MEDAG: variants seen among roughly 807,000 people sequenced by gnomAD.
MEDAG encodes the protein mesenteric estrogen dependent adipogenesis.
In MEDAG, 25 loss-of-function variants were observed where a neutral mutation model predicts 29.9. The observed-to-expected ratio is 0.84, with a 90% CI of 0.61 to 1.17. The LOEUF (loss-of-function observed/expected upper bound fraction) is 1.17. Ranked by LOEUF, MEDAG falls within the 50% of genes most tolerant of loss-of-function variation. The probability of loss-of-function intolerance (pLI) is 0.00; values close to 1 mark genes in which losing one functional copy is unlikely to be tolerated. For synonymous variants in MEDAG, 158 were observed against 148.2 expected (o/e 1.07, Z -0.48); for missense variants, 398 against 372.9 (o/e 1.07, Z -0.56).
Position 30,915,631 on chromosome 13 carries a change from C to T in MEDAG, c.279-1772C>T, listed in dbSNP as rs188292092. Among the ~76,000 whole-genome samples, 47 of 152,230 alleles carry T rather than the reference C, an allele frequency of 3.1e-4. No homozygotes were observed. The East Asian group carries it at 7.3e-3, about 24-fold the overall frequency. Reference sequence around the variant, plus strand: ...AAAAAAAGGGCAGGAAAATTCTCTCCCAGCTGATGTGCAACACCAGCACCA... The same window carrying T: ...AAAAAAAGGGCAGGAAAATTCTCTCTCAGCTGATGTGCAACACCAGCACCA... On this transcript the variant is annotated intron_variant, in intron 1 of 4. Coordinates refer to ENST00000380482, the MANE Select transcript of MEDAG (RefSeq NM_032849.4).
At chr13:30,920,967 T>C in intron 2 of MEDAG, 47 bp from the exon 3 acceptor site, 1 of 1,485,048 alleles carries the variant, frequency 6.7e-7, no homozygotes, top group Non-Finnish European at 9.4e-7. Context: ...AGCATGCTTA[T>C]GTCACATGGA....
In MEDAG at chr13:30,910,193, A is replaced by AACACACACAC. The variant is rs77242350; in HGVS notation, c.278+3416_278+3425dup. On this transcript the variant is annotated intron_variant, in intron 1 of 4. Coordinates refer to ENST00000380482, the MANE Select transcript of MEDAG (RefSeq NM_032849.4). Reference sequence around the variant, plus strand: ...TACCATTAACTACGACACACACACAAACACACACACACACACACACACACA... The same window carrying AACACACACAC: ...TACCATTAACTACGACACACACACAAACACACACACACACACACACACACACACACACACA... 7.6e-3 allele frequency among the ~76,000 whole-genome samples: 1,132 copies of AACACACACAC among 149,264 alleles called. 3 individuals carry two copies. The highest frequency in any genetic ancestry group is 0.01 in the African/African-American group (414 of 40,350).
intron 1 of MEDAG, among the ~76,000 whole-genome samples, chr13:30,913,841 G>A (rs9943952): frequency 0.22 from 33,951 of 151,994 alleles, 4,470 homozygotes; most frequent in African/African-American, 0.37. Context: ...AGGAGTTCGA[G>A]ACCAGCCTGG....
chr13:30,909,167 C>A (rs1952858938), intron 1 of MEDAG: 2 of 152,038 alleles, frequency 1.3e-5, no homozygotes, highest in Admixed American at 1.3e-4. Flanking sequence ...ATCAGTGACA[C>A]CAGGGTGCAC....
chr13:30,907,095 G>A (rs1952838498), intron 1 of MEDAG, among the ~76,000 whole-genome samples: 1 of 152,246 alleles, frequency 6.6e-6, no homozygotes, highest in Non-Finnish European at 1.5e-5. Context: ...AGTGGCAGAT[G>A]CTTCTCCCAT....
chr13:30,909,821 C>T lies in MEDAG; in HGVS notation c.278+3028C>T, dbSNP rs191936111. ...GCTAAGAGCCACCGACCTTGACTTT[C>T]AGGTTATTCACTCGCTAAGAGAGCA... On this transcript the variant is annotated intron_variant, in intron 1 of 4. Coordinates refer to ENST00000380482, the MANE Select transcript of MEDAG (RefSeq NM_032849.4). 6.4e-3 allele frequency among the ~76,000 whole-genome samples: 967 copies of T among 152,264 alleles called. 6 individuals are homozygous for T. Among genetic ancestry groups the T allele is most frequent in the Non-Finnish European group, 0.01 (697 of 68,016 alleles).
At chr13:30,912,828 C>T (rs1355376619) in intron 1 of MEDAG, among the ~76,000 whole-genome samples, 1 of 152,192 alleles carries the variant, frequency 6.6e-6, no homozygotes, top group Non-Finnish European at 1.5e-5. Flanking sequence ...CTGATATTTT[C>T]CTTATTTCCT....
In MEDAG at chr13:30,906,796, G is replaced by A. The variant is rs775115360; in HGVS notation, c.278+3G>A. On this transcript the variant is annotated splice_donor_region_variant and intron_variant, in intron 1 of 4. Coordinates refer to ENST00000380482, the MANE Select transcript of MEDAG (RefSeq NM_032849.4). ...CGCCTCAGCAGCTACATCAAGAGGT[G>A]GGTGGCCTCGCCGTGCGCCCTGGCC... is the stretch of plus-strand genomic sequence containing the variant. 1 of 1,473,530 alleles carries A rather than the reference G, an allele frequency of 6.8e-7. No homozygotes were observed. The highest frequency in any genetic ancestry group is 2.3e-5 in the Admixed American group (1 of 42,576). The allele number at this position is 1,473,530 out of a possible 1,614,324, so 91.3% of individuals were successfully genotyped here.
rs567813752 is a variant in MEDAG, at chr13:30,921,145, A to T, written c.501+19A>T. 1 of 1,594,170 alleles carries T rather than the reference A, an allele frequency of 6.3e-7. No homozygotes were observed. Among genetic ancestry groups the T allele is most frequent in the African/African-American group, 1.3e-5 (1 of 74,676 alleles). On this transcript the variant is annotated intron_variant, in intron 3 of 4. Coordinates refer to ENST00000380482, the MANE Select transcript of MEDAG (RefSeq NM_032849.4). Reference sequence around the variant, plus strand: ...GCTTCAGGTAAGCCTAGCCTGTCTGAATCCAGGGCTGTCAACCACATGGAA... The same window carrying T: ...GCTTCAGGTAAGCCTAGCCTGTCTGTATCCAGGGCTGTCAACCACATGGAA...
chr13:30,918,387 G>T (rs1317136334), intron 2 of MEDAG, among the ~76,000 whole-genome samples: 1 of 152,100 alleles, frequency 6.6e-6, no homozygotes, highest in East Asian at 1.9e-4. Context: ...CCACTTAGGA[G>T]GTGCTTACAC....
chr13:30,921,709 T>C lies in MEDAG; in HGVS notation c.650T>C (p.Val217Ala), dbSNP rs751322843. ...GGGCTCAGTAATTCCGTTGTAAAAG[T>C]AAATGGAAAAGTTCTGAATTTGTCA... ...WFGLSNSVVK[V>A]NGKVLNLSST... is the part of the protein sequence containing the mutation. The change falls in exon 4 of 5, where the codon GTA (valine) becomes GCA (alanine). Residue 217 changes from valine (V) to alanine (A), a missense_variant. Transcript: ENST00000380482. 17 of 1,613,926 alleles carry C rather than the reference T, an allele frequency of 1.1e-5. No individual in the cohort carries two copies. The African/African-American group carries it at 1.7e-4, about 16-fold the overall frequency.
intron 2 of MEDAG, among the ~76,000 whole-genome samples, chr13:30,918,016 T>A (rs1219089644): frequency 6.6e-6 from 1 of 152,140 alleles, no homozygotes; most frequent in African/African-American, 2.4e-5. Flanking sequence ...AGGAGCCTGG[T>A]GGGTGAGGCC....
chr13:30,911,998 G>A (rs1952886292), intron 1 of MEDAG, among the ~76,000 whole-genome samples: 1 of 152,142 alleles, frequency 6.6e-6, no homozygotes, highest in Non-Finnish European at 1.5e-5. Flanking sequence ...GAGACTATAT[G>A]CTTCTTAAAA....
chr13:30,910,848 G>T (rs1452193868), intron 1 of MEDAG, among the ~76,000 whole-genome samples: 2 of 152,262 alleles, frequency 1.3e-5, no homozygotes, highest in Non-Finnish European at 2.9e-5. Context: ...CCTCCATCCT[G>T]CAGTGGGAAG....
Position 30,921,090 on chromosome 13 carries a change from C to T in MEDAG, c.465C>T (p.Val155=), listed in dbSNP as rs1192920497. 1 of 1,614,148 alleles carries T rather than the reference C, an allele frequency of 6.2e-7. No individual in the cohort carries two copies. Among genetic ancestry groups the T allele is most frequent in the East Asian group, 2.2e-5 (1 of 44,886 alleles). The part of the protein sequence containing the change: ...RRQIEQGMDM[V]ISSVIGESYR... ...AGATAGAGCAAGGGATGGACATGGT[C>T]ATCTCCTCAGTGATTGGAGAAAGTT... The change falls in exon 3 of 5, where the codon GTC becomes GTT. Residue 155 remains valine (V), a synonymous_variant. Coordinates refer to ENST00000380482, the MANE Select transcript of MEDAG (RefSeq NM_032849.4).
chr13:30,922,588 T>C (rs1399964349), intron 4 of MEDAG: 1 of 152,176 alleles, frequency 6.6e-6, no homozygotes, highest in African/African-American at 2.4e-5. Flanking sequence ...GGAAGGGTTC[T>C]CCAGATTTGG....
At position 30,906,767 on chromosome 13, in the gene MEDAG, C is replaced by T. The variant is rs1169315195; in HGVS notation, c.252C>T (p.Leu84=). Residue 84 remains leucine (L), a synonymous_variant, in exon 1 of 5, where the codon CTC becomes CTT. Coordinates refer to ENST00000380482, the MANE Select transcript of MEDAG (RefSeq NM_032849.4). ...GCCTCGTGCGCCTCGACGGGCAGCTCTACCGCCTCAGCAGCTACATCAAGA... is the reference window on the plus strand; with the variant it reads ...GCCTCGTGCGCCTCGACGGGCAGCTTTACCGCCTCAGCAGCTACATCAAGA... ...GDGLVRLDGQ[L]YRLSSYIKRY... is the part of the protein sequence containing the mutation. The T allele has an allele frequency of 2.6e-6, 4 of 1,511,090 alleles. No homozygotes were observed. In the African/African-American group the frequency reaches 4.3e-5, roughly 16 times the overall value. The allele number at this position is 1,511,090 out of a possible 1,614,324, so 93.6% of individuals were successfully genotyped here. A position where few individuals can be genotyped will look rare whatever the true frequency, so the allele number is the denominator to read the frequency against.
chr13:30,907,727 A>G (rs1000475961), intron 1 of MEDAG, among the ~76,000 whole-genome samples: 3 of 152,270 alleles, frequency 2.0e-5, no homozygotes, highest in African/African-American at 7.2e-5. Context: ...TCAGAAATGA[A>G]TAAGATAGCC....
At chr13:30,923,352 C>G (rs1953008044) in intron 4 of MEDAG, among the ~76,000 whole-genome samples, 1 of 152,056 alleles carries the variant, frequency 6.6e-6, no homozygotes, top group South Asian at 2.1e-4. Flanking sequence ...CCATCTCTTT[C>G]TCTTTCTCTC....
Sources: gnomAD v4.1 joint callset for allele counts (sites outside exome capture counted in the v4.1 genomes callset) on GRCh38, gnomAD v4.1.1 for gene constraint, MANE v1.5 for transcripts, NCBI Gene and HGNC (gene_info 2026-07-23, HGNC 2026-07-21) for gene names.